RUNX1: variants seen among roughly 807,000 people sequenced by gnomAD.
RUNX1 encodes the protein RUNX family transcription factor 1, also known as runt-related transcription factor 1.
Under a neutral mutation model 42.8 loss-of-function variants are expected in RUNX1, and 19 were observed. That is an observed-to-expected ratio of 0.44 (90% CI 0.31 to 0.65). The LOEUF is 0.65. Among genes scored for constraint, RUNX1 ranks in the 30% least tolerant of loss-of-function variants. The probability of loss-of-function intolerance (pLI) is 0.07; values close to 1 mark genes in which losing one functional copy is unlikely to be tolerated. For synonymous variants in RUNX1, 271 were observed against 289.4 expected (o/e 0.94, Z 0.64); for missense variants, 528 against 672.0 (o/e 0.79, Z 2.37).
In RUNX1 at chr21:34,843,183, G is replaced by C. The variant is rs2146126582; in HGVS notation, c.614-8582C>G. ...ACAGGCATGCATGTAAACACATACA[G>C]ACACACACATACACAGACACCTGGA... On this transcript the variant is annotated intron_variant, in intron 6 of 8. Coordinates refer to ENST00000675419, the MANE Select transcript of RUNX1 (RefSeq NM_001754.5). The surrounding 1 kb of genome is among the most constrained non-coding windows in gnomAD (Gnocchi z 4.8). 6.6e-6 allele frequency among the ~76,000 whole-genome samples: 1 copy of C among 151,814 alleles called. No individual in the cohort carries two copies. The highest frequency in any genetic ancestry group is 2.1e-4 in the South Asian group (1 of 4,790).
rs745341226 is a variant in RUNX1, at chr21:34,834,637, G to A, written c.614-36C>T. The A allele has an allele frequency of 5.4e-5, 76 of 1,405,540 alleles. 2 individuals carry two copies. Among genetic ancestry groups the A allele is most frequent in the Admixed American group, 1.4e-4 (8 of 59,218 alleles). The allele number at this position is 1,405,540 out of a possible 1,614,324, so 87.1% of individuals were successfully genotyped here. Reference sequence around the variant, plus strand: ...GAGCAGGGAGGGGAGGGGATGGGGGGAGGGAAGGAGGGAGGGAAGAGATCA... The same window carrying A: ...GAGCAGGGAGGGGAGGGGATGGGGGAAGGGAAGGAGGGAGGGAAGAGATCA... On this transcript the variant is annotated intron_variant, in intron 6 of 8. Coordinates refer to ENST00000675419, the MANE Select transcript of RUNX1 (RefSeq NM_001754.5).
rs149997957 is a variant in RUNX1, at chr21:34,958,348, T to A, written c.59-65385A>T. On this transcript the variant is annotated intron_variant, in intron 2 of 8. Transcript: ENST00000675419. ...CTTGCTCTAAAGACTCAAACAAATT[T>A]ACAAGAAAAAAACAAACAACCCCAT... 5.1e-3 allele frequency among the ~76,000 whole-genome samples: 782 copies of A among 152,034 alleles called. 7 individuals are homozygous for A. The highest frequency in any genetic ancestry group is 0.033 in the South Asian group (158 of 4,822).
intron 6 of RUNX1, among the ~76,000 whole-genome samples, chr21:34,858,269 A>G (rs541372142): frequency 1.3e-5 from 2 of 152,266 alleles, no homozygotes; most frequent in African/African-American, 4.8e-5. Flanking sequence ...CCTGCAGAGA[A>G]CTACCTTAAA....
chr21:34,822,640 G>C (rs1486690228), intron 7 of RUNX1, among the ~76,000 whole-genome samples: 1 of 152,206 alleles, frequency 6.6e-6, no homozygotes. Flanking sequence ...ACAAAGTATA[G>C]ATGAAGATTA....
At chr21:34,858,418 T>C (rs998560101) in intron 6 of RUNX1, among the ~76,000 whole-genome samples, 12 of 152,208 alleles carry the variant, frequency 7.9e-5, no homozygotes, top group African/African-American at 2.2e-4. Flanking sequence ...CACAGCATCA[T>C]TTGGCTTGAT....
intron 2 of RUNX1, among the ~76,000 whole-genome samples, chr21:34,942,170 C>T (rs1293411971): frequency 1.3e-5 from 2 of 152,072 alleles, no homozygotes; most frequent in Non-Finnish European, 2.9e-5. Flanking sequence ...TTGGAGTGAG[C>T]CTGTGTGCTC....
intron 2 of RUNX1, among the ~76,000 whole-genome samples, chr21:34,974,321 T>C (rs954421512): frequency 1.3e-4 from 20 of 151,958 alleles, no homozygotes; most frequent in African/African-American, 4.3e-4. Context: ...GCTGAAGACT[T>C]GCCTGTCCTC....
At position 34,792,671 on chromosome 21, in the gene RUNX1, T is replaced by C; in HGVS notation, c.968-61A>G. ...TAGGAGGTTGCGGAGGCCACAGCTC[T>C]TCCCTCTGCCCCAGGGGGCTACCCA... On this transcript the variant is annotated intron_variant, in intron 8 of 8. Transcript: ENST00000675419. This position sits in a 1 kb window ranked among gnomAD's most constrained non-coding sequence, Gnocchi z 6.9. 6.9e-7 allele frequency: 1 copy of C among 1,451,524 alleles called. No homozygotes were observed. The highest frequency in any genetic ancestry group is 9.3e-7 in the Non-Finnish European group (1 of 1,075,454). 89.9% of individuals were successfully genotyped at this position (1,451,524 alleles called of 1,614,324 possible).
chr21:34,839,146 G>A (rs755733533), intron 6 of RUNX1, among the ~76,000 whole-genome samples: 13 of 152,104 alleles, frequency 8.5e-5, no homozygotes, highest in Non-Finnish European at 1.9e-4. Context: ...TAATGTGTGG[G>A]AAGTGAGGTT....
chr21:34,941,930 C>T (rs1013550260), intron 2 of RUNX1, among the ~76,000 whole-genome samples: 4 of 151,562 alleles, frequency 2.6e-5, no homozygotes, highest in East Asian at 1.9e-4. Flanking sequence ...CAGAAAACTC[C>T]TTAAACTGTT....
intron 2 of RUNX1, among the ~76,000 whole-genome samples, chr21:35,019,346 T>G (rs2059181812): frequency 6.6e-6 from 1 of 152,208 alleles, no homozygotes; most frequent in Non-Finnish European, 1.5e-5. Context: ...GCTATGGTAT[T>G]ACTGCATGCC....
intron 7 of RUNX1, among the ~76,000 whole-genome samples, chr21:34,808,185 C>T (rs925557797): frequency 6.6e-5 from 10 of 152,344 alleles, no homozygotes; most frequent in Admixed American, 3.3e-4. Flanking sequence ...CGTCTCTGGC[C>T]GGCTGCAGAC....
chr21:35,025,084 T>C (rs1464468272), intron 2 of RUNX1, among the ~76,000 whole-genome samples: 1 of 152,218 alleles, frequency 6.6e-6, no homozygotes, highest in East Asian at 1.9e-4. Context: ...AATGGTGCTG[T>C]TAGAATGGTG....
intron 2 of RUNX1, among the ~76,000 whole-genome samples, chr21:34,933,339 A>G (rs1468301549): frequency 6.6e-6 from 1 of 152,190 alleles, no homozygotes; most frequent in Non-Finnish European, 1.5e-5. Context: ...AAATGTCTAC[A>G]TAACTAGGTC....
intron 2 of RUNX1, among the ~76,000 whole-genome samples, chr21:34,925,826 G>A (rs533853712): frequency 6.6e-6 from 1 of 152,240 alleles, no homozygotes; most frequent in East Asian, 1.9e-4. Flanking sequence ...AGAAATAATT[G>A]GTACGTAAAT....
intron 2 of RUNX1, among the ~76,000 whole-genome samples, chr21:34,997,380 T>C (rs1245254272): frequency 6.6e-6 from 1 of 152,110 alleles, no homozygotes; most frequent in Non-Finnish European, 1.5e-5. Flanking sequence ...GATAGGGCAG[T>C]GTAATGCCTA....
Position 34,993,767 on chromosome 21 carries a change from G to GA in RUNX1, c.58+55074_58+55075insT, listed in dbSNP as rs2058970821. Among the ~76,000 whole-genome samples the GA allele has an allele frequency of 2.3e-4, 6 of 26,490 alleles. 1 individual carries two copies. The highest frequency in any genetic ancestry group is 1.5e-3 in the African/African-American group (6 of 4,012). The allele number at this position is 26,490 out of a possible 152,430, so 17.4% of individuals were successfully genotyped here. On this transcript the variant is annotated intron_variant, in intron 2 of 8. Coordinates refer to ENST00000675419, the MANE Select transcript of RUNX1 (RefSeq NM_001754.5). Reference sequence around the variant, plus strand: ...GACACACACACAGACACACACAGGCGCACACACACAGACACACACACACAG... The same window carrying GA: ...GACACACACACAGACACACACAGGCGACACACACACAGACACACACACACAG...
chr21:34,981,560 C>CA (rs951956474), intron 2 of RUNX1, among the ~76,000 whole-genome samples: 22 of 150,474 alleles, frequency 1.5e-4, no homozygotes, highest in East Asian at 5.8e-4. Flanking sequence ...TTTGAAAGTC[C>CA]AAAAAAAAGA....
chr21:34,965,202 G>GCACACACAGCCT (rs1555910189), intron 2 of RUNX1, among the ~76,000 whole-genome samples: 15 of 151,070 alleles, frequency 9.9e-5, no homozygotes, highest in Admixed American at 9.2e-4. Context: ...TCCCGCACGT[G>GCACACACAGCCT]CACACACACA....
Sources: allele counts gnomAD v4.1 joint callset (sites outside exome capture counted in the v4.1 genomes callset), GRCh38; gene constraint gnomAD v4.1.1; non-coding constraint Gnocchi (gnomAD v3.1); transcripts MANE v1.5; gene names NCBI Gene and HGNC (gene_info 2026-07-23, HGNC 2026-07-21).